Variants in DENND2B observed in about 807,000 individuals in gnomAD.
DENND2B encodes the protein DENN domain-containing protein 2B.
DENND2B carries 32 observed loss-of-function variants against 116.0 expected under a neutral mutation model. The ratio of observed to expected loss-of-function variants is 0.28; its 90% CI spans 0.21 to 0.37. The LOEUF is 0.37. DENND2B is among the 10% of genes least tolerant of loss of function. DENND2B has a pLI of 1.00. For synonymous variants in DENND2B, 588 were observed against 583.9 expected (o/e 1.01, Z -0.10); for missense variants, 1,276 against 1,477.7 (o/e 0.86, Z 2.24).
Position 8,694,102 on chromosome 11 carries a change from C to G in DENND2B, c.3408G>C (p.Lys1136Asn). The change falls in exon 20 of 20, where the codon AAG (lysine) becomes AAC (asparagine). Residue 1136 changes from lysine (K) to asparagine (N), a missense_variant. Physicochemically the swap from Lys to Asn is moderately conservative, Grantham distance 94. This residue lies in a region of DENND2B where 420 missense variants were observed against 631.1 expected (regional missense o/e 0.67). Coordinates refer to ENST00000313726, the MANE Select transcript of DENND2B (RefSeq NM_213618.2). ...LGNKMKFLHK[K>N]N Reference sequence around the variant, plus strand: ...CTGCTACTGAGAAGGAGGCTTAATTCTTCTTGTGGAGAAACTTCATTTTGT... The same window carrying G: ...CTGCTACTGAGAAGGAGGCTTAATTGTTCTTGTGGAGAAACTTCATTTTGT... The G allele has an allele frequency of 6.2e-7, 1 of 1,614,136 alleles. No homozygotes were observed. The highest frequency in any genetic ancestry group is 8.5e-7 in the Non-Finnish European group (1 of 1,180,036).
chr11:8,864,008 T>A (rs957050887), intron 2 of DENND2B, among the ~76,000 whole-genome samples: 1 of 152,062 alleles, frequency 6.6e-6, no homozygotes, highest in African/African-American at 2.4e-5. Context: ...TGAGTGGCAC[T>A]TCCTAATTCA....
chr11:8,741,341 T>C (rs188771149), intron 2 of DENND2B, among the ~76,000 whole-genome samples: 22 of 152,298 alleles, frequency 1.4e-4, no homozygotes, highest in Admixed American at 1.4e-3. Flanking sequence ...GAGGGAATGA[T>C]GAACTCTCTA....
intron 3 of DENND2B, among the ~76,000 whole-genome samples, chr11:8,855,838 A>T (rs1307003904): frequency 1.3e-5 from 2 of 152,144 alleles, no homozygotes; most frequent in African/African-American, 4.8e-5. Context: ...GCCCAATCCA[A>T]ACAGAATAAG....
upstream of DENND2B, chr11:8,811,227 G>T: frequency 2.5e-6 from 1 of 398,590 alleles, no homozygotes; most frequent in South Asian, 1.3e-4. Context: ...GAGCTCGCCT[G>T]GACTGGCCTC....
At chr11:8,796,336 G>A (rs12291552) in intron 1 of DENND2B, among the ~76,000 whole-genome samples, 31,749 of 152,162 alleles carry the variant, frequency 0.21, 3,460 homozygotes, top group South Asian at 0.34. Flanking sequence ...GAGGTCAGGA[G>A]TTCAAGACCA....
chr11:8,702,707 C>T lies in DENND2B; in HGVS notation c.2585G>A (p.Arg862Gln), dbSNP rs774915083. ...CTCCAGCCTTGAGTCCATGGGCCGC[C>T]GCAGCTCTAACACCTGCAGGAGAGC... Reference protein sequence around the residue: ...PGAGNEVLELRRPMDSRLEHV... With the variant: ...PGAGNEVLELQRPMDSRLEHV... The change falls in exon 14 of 20, where the codon CGG (arginine) becomes CAG (glutamine). Residue 862 changes from arginine to glutamine, a missense_variant. By Grantham distance (43) the Arg-to-Gln change is conservative. Transcript: ENST00000313726. This position sits in a 1 kb window ranked among gnomAD's most constrained non-coding sequence, Gnocchi z 4.6. 6.2e-6 allele frequency: 10 copies of T among 1,613,352 alleles called. No individual in the cohort carries two copies. Among genetic ancestry groups the T allele is most frequent in the African/African-American group, 1.3e-5 (1 of 75,028 alleles).
intron 3 of DENND2B, among the ~76,000 whole-genome samples, chr11:8,846,962 A>G (rs2062837056): frequency 6.6e-6 from 1 of 151,700 alleles, no homozygotes; most frequent in Non-Finnish European, 1.5e-5. Flanking sequence ...ACTTGCTTAC[A>G]GTTCCAATGG....
Position 8,714,002 on chromosome 11 carries a change from G to A in DENND2B, c.1983C>T (p.Phe661=). The A allele has an allele frequency of 1.9e-6, 3 of 1,614,098 alleles. No homozygotes were observed. Among genetic ancestry groups the A allele is most frequent in the Non-Finnish European group, 8.5e-7 (1 of 1,180,038 alleles). Residue 661 remains phenylalanine (F), a synonymous_variant, in exon 8 of 20, where the codon TTC becomes TTT. Transcript: ENST00000313726. ...CTCATGGGAGCTGTGCCTCACCTTT[G>A]AACCTGTCATCAGAGTCGCTCTCGC... The part of the protein sequence containing the change: ...SESESDSDDR[F]KAHTQRLVHI...
chr11:8,788,809 A>T (rs867933397), intron 1 of DENND2B, among the ~76,000 whole-genome samples: 1 of 152,112 alleles, frequency 6.6e-6, no homozygotes, highest in Admixed American at 6.5e-5. Flanking sequence ...CTTCCTGTCT[A>T]TCTTTTGACC....
chr11:8,871,063 C>A (rs1285604795), exon 2 of DENND2B: 1 of 152,266 alleles, frequency 6.6e-6, no homozygotes, highest in Non-Finnish European at 1.5e-5. Flanking sequence ...GGCGGGCAGG[C>A]ATCCGCGCCC....
At chr11:8,875,259 C>T (rs879927603), upstream of DENND2B, among the ~76,000 whole-genome samples, 2 of 149,578 alleles carry the variant, frequency 1.3e-5, no homozygotes, top group Non-Finnish European at 3.0e-5. Context: ...GGAGGCAGAG[C>T]TTGCAGTGAG....
chr11:8,698,166 A>AAAAAAAAGG (rs1555092981), intron 16 of DENND2B, among the ~76,000 whole-genome samples: 3 of 129,448 alleles, frequency 2.3e-5, no homozygotes, highest in African/African-American at 6.0e-5. Context: ...AAAAAAAAAA[A>AAAAAAAAGG]GGGGGTAGAG....
At position 8,782,056 on chromosome 11, in the gene DENND2B, C is replaced by T. The variant is rs116594269; in HGVS notation, c.-26+28461G>A. 4.6e-3 allele frequency among the ~76,000 whole-genome samples: 695 copies of T among 152,340 alleles called. 4 individuals are homozygous for T. Among genetic ancestry groups the T allele is most frequent in the African/African-American group, 0.016 (666 of 41,564 alleles). ...AAGAATCATACTCCCCACCACATCA[C>T]TTCCATTCCTAGGTAGCTGGCGTAC... On this transcript the variant is annotated intron_variant, in intron 1 of 19. Coordinates refer to ENST00000313726, the MANE Select transcript of DENND2B (RefSeq NM_213618.2).
chr11:8,726,594 C>T (rs939087982), intron 3 of DENND2B, among the ~76,000 whole-genome samples: 10 of 152,190 alleles, frequency 6.6e-5, no homozygotes, highest in Non-Finnish European at 1.0e-4. Context: ...TTCTCCCAGG[C>T]GACGTCTCAC....
chr11:8,822,842 T>C (rs1472048387), intron 4 of DENND2B, among the ~76,000 whole-genome samples: 1 of 152,270 alleles, frequency 6.6e-6, no homozygotes, highest in East Asian at 1.9e-4. Flanking sequence ...AATGCAGTAC[T>C]TTCTTTGTAC....
At chr11:8,794,284 C>T (rs939527290) in intron 1 of DENND2B, among the ~76,000 whole-genome samples, 1 of 152,202 alleles carries the variant, frequency 6.6e-6, no homozygotes, top group East Asian at 1.9e-4. Flanking sequence ...CACTCTGCCA[C>T]CCTGAGCACT....
chr11:8,775,494 T>A (rs781120198), intron 1 of DENND2B, among the ~76,000 whole-genome samples: 1 of 152,066 alleles, frequency 6.6e-6, no homozygotes, highest in Admixed American at 6.5e-5. Context: ...AATGGGCACA[T>A]TCTAGTGGCT....
At chr11:8,755,671 A>G (rs976713804) in intron 1 of DENND2B, among the ~76,000 whole-genome samples, 52 of 152,294 alleles carry the variant, frequency 3.4e-4, no homozygotes, top group African/African-American at 1.2e-3. Context: ...TCTTTTTGGT[A>G]GAGATGGGGT....
intron 6 of DENND2B, 179 bp downstream of exon 6, chr11:8,715,424 T>C (rs543385833): frequency 4.4e-4 from 274 of 628,854 alleles, no homozygotes; most frequent in Non-Finnish European, 5.1e-4. Flanking sequence ...TCTTTATTGA[T>C]AAGAAAGGGG....
Sources: allele counts gnomAD v4.1 joint callset (sites outside exome capture counted in the v4.1 genomes callset), GRCh38; gene constraint gnomAD v4.1.1; regional missense constraint gnomAD v4.1.1; non-coding constraint Gnocchi (gnomAD v3.1); transcripts MANE v1.5; gene names NCBI Gene and HGNC (gene_info 2026-07-23, HGNC 2026-07-21).